DOCK3: variants seen among roughly 807,000 people sequenced by gnomAD.
DOCK3 encodes dedicator of cytokinesis 3.
A neutral mutation model predicts 265.6 loss-of-function variants in DOCK3; 60 were observed. The ratio of observed to expected loss-of-function variants is 0.23; its 90% CI spans 0.18 to 0.28. DOCK3 has a LOEUF of 0.28. DOCK3 is among the 10% of genes least tolerant of loss of function. DOCK3 has a pLI of 1.00. For missense variants in DOCK3, 1,981 were observed against 2,594.3 expected (o/e 0.76, Z 5.14); for synonymous variants, 881 against 938.0 (o/e 0.94, Z 1.11).
intron 5 of DOCK3, among the ~76,000 whole-genome samples, chr3:51,016,547 T>TCC (rs2079259218): frequency 1.3e-4 from 2 of 15,830 alleles, no homozygotes; most frequent in African/African-American, 1.0e-3. Flanking sequence ...ATATATATAT[T>TCC]TATATATATC....
In DOCK3 at chr3:51,214,169, C is replaced by G; in HGVS notation, c.1174C>G (p.Arg392Gly). ...TCTTCGTGGAGACATGGAACAGATT[C>G]GGAGAGAAAATCCCATGATATTTAA... is the stretch of plus-strand genomic sequence containing the variant. ...QLLRGDMEQI[R>G]RENPMIFNRG... The change falls in exon 14 of 53, where the codon CGG becomes GGG. Residue 392 changes from arginine (R) to glycine (G), a missense_variant. Coordinates refer to ENST00000266037, the MANE Select transcript of DOCK3 (RefSeq NM_004947.5). The G allele has an allele frequency of 1.9e-6, 3 of 1,613,658 alleles. No individual in the cohort carries two copies. The highest frequency in any genetic ancestry group is 2.2e-5 in the East Asian group (1 of 44,866).
chr3:51,069,572 GTA>G (rs1409579940), intron 6 of DOCK3, among the ~76,000 whole-genome samples: 9 of 150,002 alleles, frequency 6.0e-5, no homozygotes, highest in East Asian at 3.9e-4. Context: ...ATATATGTGT[GTA>G]TATGTGTGTG....
intron 21 of DOCK3, among the ~76,000 whole-genome samples, chr3:51,242,162 A>G (rs1157206888): frequency 6.6e-6 from 1 of 151,368 alleles, no homozygotes; most frequent in Non-Finnish European, 1.5e-5. Context: ...AGCCAGCTGG[A>G]TTCATTTCTG....
chr3:50,796,019 C>T (rs1340759203), intron 2 of DOCK3, among the ~76,000 whole-genome samples: 2 of 151,902 alleles, frequency 1.3e-5, no homozygotes, highest in African/African-American at 2.4e-5. Context: ...CCATTGGGAA[C>T]CCTTTCTGGA....
At chr3:50,721,407 G>A (rs1262247310) in intron 1 of DOCK3, among the ~76,000 whole-genome samples, 1 of 152,128 alleles carries the variant, frequency 6.6e-6, no homozygotes, top group East Asian at 1.9e-4. Flanking sequence ...ATCTGCATAT[G>A]GCTACCCAGT....
intron 2 of DOCK3, among the ~76,000 whole-genome samples, chr3:50,813,591 TC>T (rs1186937069): frequency 1.3e-5 from 2 of 152,082 alleles, no homozygotes; most frequent in Non-Finnish European, 2.9e-5. Flanking sequence ...AAGTTGAAAA[TC>T]ATTAAGTTGA....
intron 2 of DOCK3, among the ~76,000 whole-genome samples, chr3:50,831,835 T>C (rs1238470383): frequency 2.0e-5 from 3 of 152,218 alleles, no homozygotes; most frequent in Admixed American, 1.3e-4. Context: ...GACTAATTTA[T>C]ACTCCCACCA....
At chr3:51,198,201 T>C (rs150465061) in intron 12 of DOCK3, among the ~76,000 whole-genome samples, 45 of 152,314 alleles carry the variant, frequency 3.0e-4, no homozygotes, top group Admixed American at 5.2e-4. Flanking sequence ...TCAGGGGAAG[T>C]TGGAGAAGCA....
At chr3:51,056,969 G>A (rs1048117937) in intron 5 of DOCK3, among the ~76,000 whole-genome samples, 1 of 152,070 alleles carries the variant, frequency 6.6e-6, no homozygotes, top group African/African-American at 2.4e-5. Flanking sequence ...AATTTCTGAT[G>A]TCATTTTTAT....
At chr3:50,699,437 A>G (rs988181152) in intron 1 of DOCK3, among the ~76,000 whole-genome samples, 2 of 145,202 alleles carry the variant, frequency 1.4e-5, no homozygotes, top group African/African-American at 5.1e-5. Flanking sequence ...TATTTCTGCA[A>G]AGAATGTTGT....
At chr3:50,977,915 C>G (rs1020240824) in intron 5 of DOCK3, among the ~76,000 whole-genome samples, 1 of 152,072 alleles carries the variant, frequency 6.6e-6, no homozygotes, top group South Asian at 2.1e-4. Context: ...CGCTGATACC[C>G]TTTCTTCCAG....
At chr3:50,873,187 T>C (rs2047518575) in intron 3 of DOCK3, among the ~76,000 whole-genome samples, 1 of 152,146 alleles carries the variant, frequency 6.6e-6, no homozygotes, top group African/African-American at 2.4e-5. Context: ...CCAAGACCCT[T>C]GATGTAATAC....
intron 4 of DOCK3, among the ~76,000 whole-genome samples, chr3:50,918,659 A>C (rs1005262751): frequency 2.6e-5 from 4 of 152,138 alleles, no homozygotes; most frequent in Non-Finnish European, 4.4e-5. Flanking sequence ...TCTGGATATT[A>C]GTGATTTGTC....
intron 5 of DOCK3, among the ~76,000 whole-genome samples, chr3:51,038,411 C>T (rs1217025020): frequency 6.6e-6 from 1 of 152,072 alleles, no homozygotes; most frequent in African/African-American, 2.4e-5. Context: ...TCATGAGCCC[C>T]AGTTCATAGA....
intron 2 of DOCK3, among the ~76,000 whole-genome samples, chr3:50,795,129 G>C (rs977722966): frequency 2.6e-5 from 4 of 151,946 alleles, no homozygotes; most frequent in Admixed American, 2.6e-4. Flanking sequence ...GCCTTTGTAG[G>C]TTACCTGATC....
intron 12 of DOCK3, among the ~76,000 whole-genome samples, chr3:51,175,170 TC>T (rs2086875497): frequency 6.6e-6 from 1 of 152,168 alleles, no homozygotes; most frequent in South Asian, 2.1e-4. Context: ...CAGGCTTGCC[TC>T]CAGTGGCACA....
chr3:50,888,043 T>C (rs1013453743), intron 3 of DOCK3, among the ~76,000 whole-genome samples: 5 of 152,100 alleles, frequency 3.3e-5, no homozygotes, highest in African/African-American at 1.2e-4. Flanking sequence ...TAAAGGATAT[T>C]CAATTAGGAA....
At chr3:50,973,544 G>T (rs1220094914) in intron 5 of DOCK3, among the ~76,000 whole-genome samples, 6 of 145,118 alleles carry the variant, frequency 4.1e-5, no homozygotes, top group Non-Finnish European at 7.5e-5. Context: ...ATCATTGTTG[G>T]ACATTTGGGT....
chr3:51,374,559 A>G lies in DOCK3; in HGVS notation c.5384A>G (p.Tyr1795Cys). 1 of 1,613,554 alleles carries G rather than the reference A, an allele frequency of 6.2e-7. No homozygotes were observed. Among genetic ancestry groups the G allele is most frequent in the East Asian group, 2.2e-5 (1 of 44,870 alleles). ...CGGGACCGCCCAAGCAGTGCCATGT[A>G]TCCAGCAGCCATCCTGGAGAACGGA... Reference protein sequence around the residue: ...TYRDRPSSAMYPAAILENGQP... With the variant: ...TYRDRPSSAMCPAAILENGQP... The change falls in exon 50 of 53, where the codon TAT becomes TGT. Residue 1795 changes from tyrosine to cysteine, a missense_variant. Tyr to Cys is a radical substitution (Grantham distance 194). Around this residue, in one of 4 missense-constraint regions of DOCK3, gnomAD observed 1,357 missense variants for 1,866.8 expected, o/e 0.73. Coordinates refer to ENST00000266037, the MANE Select transcript of DOCK3 (RefSeq NM_004947.5). This position sits in a 1 kb window ranked among gnomAD's most constrained non-coding sequence, Gnocchi z 4.8.
Sources: allele counts gnomAD v4.1 joint callset (sites outside exome capture counted in the v4.1 genomes callset), GRCh38; gene constraint gnomAD v4.1.1; regional missense constraint gnomAD v4.1.1; non-coding constraint Gnocchi (gnomAD v3.1); transcripts MANE v1.5; gene names NCBI Gene and HGNC (gene_info 2026-07-23, HGNC 2026-07-21).